The following CHST5 variants were observed in gnomAD, a reference collection of about 807,000 sequenced individuals.
The protein encoded by CHST5 is GST4-alpha.
For missense variants in CHST5, 637 were observed against 602.1 expected (o/e 1.06, Z -0.61); for synonymous variants, 313 against 279.2 (o/e 1.12, Z -1.21).
chr16:75,532,605 G>A (rs959099023), intron 3 of CHST5, among the ~76,000 whole-genome samples: 4 of 152,110 alleles, frequency 2.6e-5, no homozygotes, highest in East Asian at 1.9e-4. Context: ...GCTGACTCCC[G>A]AGCTGCCTTC....
In CHST5 at chr16:75,529,444, C is replaced by T. The variant is rs762334533; in HGVS notation, c.941G>A (p.Gly314Asp). 1 of 1,612,718 alleles carries T rather than the reference C, an allele frequency of 6.2e-7. No individual in the cohort carries two copies. The highest frequency in any genetic ancestry group is 1.7e-5 in the Admixed American group (1 of 60,026). The change falls in exon 4 of 4, where the codon GGC becomes GAC. Residue 314 changes from glycine (G) to aspartate (D), a missense_variant. Transcript: ENST00000336257. ...AEIRALYAFT[G>D]LTLTPQLEAW... is the part of the protein sequence containing the mutation. ...CTCGAGCTGTGGCGTGAGGGTCAGG[C>T]CGGTGAAGGCGTAGAGTGCGCGGAT...
rs940419943 is a variant in CHST5, at chr16:75,531,107, G to C, written c.-723C>G. The C allele has an allele frequency of 2.2e-5, 20 of 921,600 alleles. No homozygotes were observed. In the African/African-American group the frequency reaches 3.4e-4, roughly 16 times the overall value. The allele number at this position is 921,600 out of a possible 1,614,324, so 57.1% of individuals were successfully genotyped here. On this transcript the variant is annotated 5_prime_UTR_variant, in exon 4 of 4. Coordinates refer to ENST00000336257, the MANE Select transcript of CHST5 (RefSeq NM_024533.5). The stretch of plus-strand genomic sequence containing the variant: ...GGAGGCCGAGGCGGGCGGATCACGA[G>C]GTCAGGAGATCGAGACCATCCTGGC...
chr16:75,530,513 T>G lies in CHST5; in HGVS notation c.-129A>C, dbSNP rs943045733. ...TTCCCAGGAATACGGAGTCAAGACATAGGCCAGAATATAGTCTGTGCTCAC... is the reference window on the plus strand; with the variant it reads ...TTCCCAGGAATACGGAGTCAAGACAGAGGCCAGAATATAGTCTGTGCTCAC... On this transcript the variant is annotated 5_prime_UTR_variant, in exon 4 of 4. It removes an upstream start codon present in the reference 5' UTR. Coordinates refer to ENST00000336257, the MANE Select transcript of CHST5 (RefSeq NM_024533.5). 51 of 1,447,278 alleles carry G rather than the reference T, an allele frequency of 3.5e-5. No homozygotes were observed. Among genetic ancestry groups the G allele is most frequent in the Admixed American group, 3.2e-4 (11 of 34,814 alleles). 89.7% of individuals were successfully genotyped at this position (1,447,278 alleles called of 1,614,324 possible).
intron 2 of CHST5, among the ~76,000 whole-genome samples, chr16:75,533,644 C>T (rs2080540893): frequency 6.6e-6 from 1 of 152,124 alleles, no homozygotes; most frequent in South Asian, 2.1e-4. Context: ...CTTGGCCTCC[C>T]AAAGTGTTGG....
In CHST5 at chr16:75,529,965, G is replaced by A. The variant is rs774258679; in HGVS notation, c.420C>T (p.Ser140=). ...GGCTCGTTGCCCAGTTGAAAAAGGC[G>A]GACAGGTTTCGGCTCTGTGGCATGT... ...DAYMPQSRNL[S]AFFNWATSRA... Residue 140 remains serine (S), a synonymous_variant, in exon 4 of 4, where the codon TCC becomes TCT. Coordinates refer to ENST00000336257, the MANE Select transcript of CHST5 (RefSeq NM_024533.5). 1.9e-6 allele frequency: 3 copies of A among 1,613,186 alleles called. No individual in the cohort carries two copies. Among genetic ancestry groups the A allele is most frequent in the Non-Finnish European group, 2.5e-6 (3 of 1,179,970 alleles).
intron 2 of CHST5, among the ~76,000 whole-genome samples, chr16:75,533,626 A>G (rs746944087): frequency 3.1e-4 from 47 of 152,298 alleles, no homozygotes; most frequent in Non-Finnish European, 5.9e-4. Flanking sequence ...AGATGAGGGC[A>G]TCGCAGACTT....
At position 75,531,152 on chromosome 16, in the gene CHST5, C is replaced by A. The variant is rs1302601244; in HGVS notation, c.-768G>T. 2.9e-6 allele frequency: 2 copies of A among 695,130 alleles called. No homozygotes were observed. Among genetic ancestry groups the A allele is most frequent in the African/African-American group, 3.9e-5 (2 of 50,824 alleles). The allele number at this position is 695,130 out of a possible 1,614,324, so 43.1% of individuals were successfully genotyped here. A position where few individuals can be genotyped will look rare whatever the true frequency, so the allele number is the denominator to read the frequency against. On this transcript the variant is annotated 5_prime_UTR_variant, in exon 4 of 4. Coordinates refer to ENST00000336257, the MANE Select transcript of CHST5 (RefSeq NM_024533.5). ...CCTGGCTAACACAGTGAGACCCCAT[C>A]TCTACTAAAAATACAAAAAATTAGC...
In CHST5 at chr16:75,532,923, C is replaced by T. The variant is rs374655259; in HGVS notation, c.-1257+166G>A. Among the ~76,000 whole-genome samples, 5 of 152,316 alleles carry T rather than the reference C, an allele frequency of 3.3e-5. No individual in the cohort carries two copies. The East Asian group carries it at 5.8e-4, about 18-fold the overall frequency. Reference sequence around the variant, plus strand: ...AGCTGGGACTCCAGGACTCCTGTTCCGAAGCTCCTGGCACTTCTGATCCCA... The same window carrying T: ...AGCTGGGACTCCAGGACTCCTGTTCTGAAGCTCCTGGCACTTCTGATCCCA... On this transcript the variant is annotated intron_variant, in intron 3 of 3. Transcript: ENST00000336257.
intron 3 of CHST5, among the ~76,000 whole-genome samples, chr16:75,531,881 G>C (rs1353287682): frequency 1.3e-5 from 2 of 152,164 alleles, no homozygotes; most frequent in Non-Finnish European, 2.9e-5. Context: ...AAATGGCTGG[G>C]AACTGGCGGG....
rs759869711 is a variant in CHST5 at position 75,529,357 on chromosome 16, G to A, written c.1028C>T (p.Thr343Ile). 7.4e-6 allele frequency: 12 copies of A among 1,613,118 alleles called. 1 individual carries two copies. In the South Asian group the frequency reaches 1.3e-4, roughly 18 times the overall value. ...GIGKPIEAFH[T>I]SSRNARNVSQ... ...GACGTTGCGCGCATTCCTAGACGAA[G>A]TATGGAAGGCCTCGATTGGCTTGCC... The change falls in exon 4 of 4, where the codon ACT becomes ATT. Residue 343 changes from threonine (T) to isoleucine (I), a missense_variant. Transcript: ENST00000336257.
At position 75,531,008 on chromosome 16, in the gene CHST5, A is replaced by AT. The variant is rs1304913875; in HGVS notation, c.-625dup. The AT allele has an allele frequency of 8.0e-6, 8 of 1,001,120 alleles. No individual in the cohort carries two copies. The highest frequency in any genetic ancestry group is 1.1e-4 in the East Asian group (1 of 8,826). The allele number at this position is 1,001,120 out of a possible 1,614,324, so 62.0% of individuals were successfully genotyped here. On this transcript the variant is annotated 5_prime_UTR_variant, in exon 4 of 4. Transcript: ENST00000336257. ...ACAAGGTGTGCTTCTGTATTATATA[A>AT]TTTTTTTAACAGGCAGGTATAAAAC...
chr16:75,531,379 A>C lies in CHST5; in HGVS notation c.-995T>G. The stretch of plus-strand genomic sequence containing the variant: ...TTTGTCATTAAAGATAAACAAGTAA[A>C]TAAAGTGGACAAAGAACAGCAACTG... On this transcript the variant is annotated 5_prime_UTR_variant, in exon 4 of 4. The change creates a premature stop within an existing upstream ORF in the 5' untranslated region. Coordinates refer to ENST00000336257, the MANE Select transcript of CHST5 (RefSeq NM_024533.5). The C allele has an allele frequency of 2.8e-6, 3 of 1,083,844 alleles. No homozygotes were observed. The highest frequency in any genetic ancestry group is 3.4e-6 in the Non-Finnish European group (3 of 880,794). The allele number at this position is 1,083,844 out of a possible 1,614,324, so 67.1% of individuals were successfully genotyped here.
At chr16:75,533,677 G>A (rs1447074717) in intron 2 of CHST5, among the ~76,000 whole-genome samples, 1 of 152,108 alleles carries the variant, frequency 6.6e-6, no homozygotes, top group South Asian at 2.1e-4. Context: ...GAGCCATAGC[G>A]CCTGGCCAAA....
Position 75,530,660 on chromosome 16 carries a change from G to A in CHST5, c.-276C>T, listed in dbSNP as rs1320673295. The A allele has an allele frequency of 7.7e-7, 1 of 1,298,892 alleles. No individual in the cohort carries two copies. The highest frequency in any genetic ancestry group is 1.5e-5 in the African/African-American group (1 of 67,068). 80.5% of individuals were successfully genotyped at this position (1,298,892 alleles called of 1,614,324 possible). On this transcript the variant is annotated 5_prime_UTR_variant, in exon 4 of 4. Coordinates refer to ENST00000336257, the MANE Select transcript of CHST5 (RefSeq NM_024533.5). The stretch of plus-strand genomic sequence containing the variant: ...AGAGAGAAATACTATGTTTCAAAGA[G>A]AACTCCTGTCTTTTGCTTCAGGATA...
Position 75,531,575 on chromosome 16 carries a change from C to G in CHST5, c.-1191G>C. The G allele has an allele frequency of 7.7e-7, 1 of 1,303,838 alleles. No homozygotes were observed. Among genetic ancestry groups the G allele is most frequent in the Non-Finnish European group, 1.0e-6 (1 of 988,740 alleles). 80.8% of individuals were successfully genotyped at this position (1,303,838 alleles called of 1,614,324 possible). Reference sequence around the variant, plus strand: ...TGTCCTGGCCAGCTGAGGGGACTCACCACCGTCCAGGGCTGCTGGGAGAGC... The same window carrying G: ...TGTCCTGGCCAGCTGAGGGGACTCAGCACCGTCCAGGGCTGCTGGGAGAGC... On this transcript the variant is annotated 5_prime_UTR_variant, in exon 4 of 4. Transcript: ENST00000336257.
chr16:75,534,408 AG>A (rs373180534), intron 2 of CHST5, among the ~76,000 whole-genome samples: 2 of 152,228 alleles, frequency 1.3e-5, no homozygotes, highest in African/African-American at 4.8e-5. Flanking sequence ...GCACTTTGGG[AG>A]CCTCAGCGGG....
At position 75,530,346 on chromosome 16, in the gene CHST5, G is replaced by A; in HGVS notation, c.39C>T (p.Ser13=). The change falls in exon 4 of 4, where the codon TCC becomes TCT. Residue 13 remains serine, a synonymous_variant. Transcript: ENST00000336257. ...TGCGGGCGGCTGGGGGCCTTCGGGT[G>A]GAGTGGGCAACTTTAGGGACCCGGG... ...MRARVPKVAH[S]TRRPPAARMW... 2 of 1,582,000 alleles carry A rather than the reference G, an allele frequency of 1.3e-6. No individual in the cohort carries two copies. The highest frequency in any genetic ancestry group is 1.2e-5 in the South Asian group (1 of 86,944).
At chr16:75,535,731 C>G (rs946372772) in intron 1 of CHST5, among the ~76,000 whole-genome samples, 6 of 152,176 alleles carry the variant, frequency 3.9e-5, no homozygotes, top group African/African-American at 1.4e-4. Context: ...GGGAGGGGCG[C>G]TGGCCGAGGG....
At chr16:75,535,517 G>A (rs2080554646) in intron 1 of CHST5, among the ~76,000 whole-genome samples, 108 bp from the exon 2 acceptor site, 1 of 152,202 alleles carries the variant, frequency 6.6e-6, no homozygotes, top group Non-Finnish European at 1.5e-5. Context: ...CCGGCACTGC[G>A]GCCCGCGCCC....
Sources: gnomAD v4.1 joint callset for allele counts (sites outside exome capture counted in the v4.1 genomes callset) on GRCh38, gnomAD v4.1.1 for gene constraint, MANE v1.5 for transcripts, NCBI Gene and HGNC (gene_info 2026-07-23, HGNC 2026-07-21) for gene names.